Variants in CCDC141 observed in about 807,000 individuals in gnomAD.
CCDC141 encodes coiled-coil domain containing 141.
A neutral mutation model predicts 181.0 loss-of-function variants in CCDC141; 168 were observed. The observed-to-expected ratio is 0.93, with a 90% CI of 0.82 to 1.05. The LOEUF is 1.05. Ranked by LOEUF, CCDC141 falls within the 50% of genes least tolerant of loss-of-function variation. CCDC141 has a pLI of 0.00. For synonymous variants in CCDC141, 666 were observed against 642.3 expected (o/e 1.04, Z -0.56); for missense variants, 1,902 against 1,788.5 (o/e 1.06, Z -1.14).
intron 2 of CCDC141, among the ~76,000 whole-genome samples, chr2:179,018,242 T>C (rs1373195911): frequency 6.6e-6 from 1 of 152,128 alleles, no homozygotes. Flanking sequence ...AATGGTCCCC[T>C]GAATAGCAAT....
At chr2:179,031,557 T>C (rs1029891877) in intron 2 of CCDC141, among the ~76,000 whole-genome samples, 3 of 152,014 alleles carry the variant, frequency 2.0e-5, no homozygotes, top group Non-Finnish European at 4.4e-5. Flanking sequence ...TTTTTCTAGT[T>C]CCTTAAGGGA....
intron 5 of CCDC141, among the ~76,000 whole-genome samples, chr2:178,945,709 C>T (rs1452242623): frequency 2.0e-5 from 3 of 152,162 alleles, no homozygotes; most frequent in Admixed American, 6.5e-5. Flanking sequence ...CTATGTCTTT[C>T]CCCAGCCTAG....
chr2:178,952,630 T>C (rs188346988), intron 5 of CCDC141, among the ~76,000 whole-genome samples: 220 of 152,362 alleles, frequency 1.4e-3, no homozygotes, highest in African/African-American at 5.1e-3. Context: ...CAAAATTACA[T>C]GCTCCTTCTA....
chr2:178,868,887 G>A (rs78927799), intron 15 of CCDC141, among the ~76,000 whole-genome samples: 3 of 152,098 alleles, frequency 2.0e-5, no homozygotes, highest in African/African-American at 7.2e-5. Context: ...CAGCCTGAGA[G>A]TCAAGGGTTG....
At chr2:178,863,423 G>GA (rs1388826154) in intron 17 of CCDC141, among the ~76,000 whole-genome samples, 1 of 152,062 alleles carries the variant, frequency 6.6e-6, no homozygotes, top group Non-Finnish European at 1.5e-5. Context: ...TGTTTATGCA[G>GA]AAAAAAATCA....
chr2:179,005,134 A>G (rs911428056), intron 2 of CCDC141, among the ~76,000 whole-genome samples: 1 of 152,212 alleles, frequency 6.6e-6, no homozygotes, highest in African/African-American at 2.4e-5. Context: ...GGAATGCTCT[A>G]TTCAAACCTA....
chr2:178,981,663 C>CAT (rs1178860259), intron 2 of CCDC141, among the ~76,000 whole-genome samples: 4 of 35,390 alleles, frequency 1.1e-4, no homozygotes, highest in African/African-American at 2.9e-4. Flanking sequence ...TATATACATA[C>CAT]ATATATACAT....
chr2:178,958,541 G>A (rs992006269), intron 5 of CCDC141, among the ~76,000 whole-genome samples: 7 of 152,160 alleles, frequency 4.6e-5, no homozygotes, highest in South Asian at 2.1e-4. Context: ...ATGAGACCCC[G>A]TAAGTTAGAG....
intron 22 of CCDC141, 28 bp downstream of exon 22, chr2:178,845,598 A>G (rs368143455): frequency 3.2e-6 from 4 of 1,250,472 alleles, no homozygotes; most frequent in South Asian, 2.4e-5. Flanking sequence ...AAAGTCCTCA[A>G]TAGCTGAGGT....
intron 8 of CCDC141, 109 bp downstream of exon 8, chr2:178,905,220 G>T: frequency 2.0e-6 from 2 of 1,001,572 alleles, no homozygotes; most frequent in Non-Finnish European, 2.9e-6. Flanking sequence ...ATATCATAAT[G>T]CAGCAAAACA....
At chr2:179,020,048 G>A (rs1304973267) in intron 2 of CCDC141, among the ~76,000 whole-genome samples, 1 of 152,050 alleles carries the variant, frequency 6.6e-6, no homozygotes, top group African/African-American at 2.4e-5. Context: ...GGACCACTAT[G>A]CCCAGCTGGA....
intron 2 of CCDC141, among the ~76,000 whole-genome samples, chr2:179,036,857 A>G (rs922324502): frequency 6.6e-6 from 1 of 152,214 alleles, no homozygotes; most frequent in Admixed American, 6.5e-5. Context: ...GAAGGTGCCA[A>G]TTGATCTCAC....
rs2154379211 is a variant in CCDC141, at chr2:178,963,730, A to C, written c.527-2247T>G. Among the ~76,000 whole-genome samples, 4 of 152,232 alleles carry C rather than the reference A, an allele frequency of 2.6e-5. No homozygotes were observed. In the Middle Eastern group the frequency reaches 0.01, roughly 388 times the overall value. Reference sequence around the variant, plus strand: ...ATTGTAAAAAGGCATTTTGAGATGAAAAGGAAATAATTTGAAGTAGTTTAT... The same window carrying C: ...ATTGTAAAAAGGCATTTTGAGATGACAAGGAAATAATTTGAAGTAGTTTAT... On this transcript the variant is annotated intron_variant, in intron 4 of 23. Coordinates refer to ENST00000443758, the MANE Select transcript of CCDC141 (RefSeq NM_173648.4).
At chr2:178,888,486 A>T (rs1195866853) in intron 9 of CCDC141, 41 bp downstream of exon 9, 2 of 1,536,680 alleles carry the variant, frequency 1.3e-6, no homozygotes, top group Non-Finnish European at 1.8e-6. Flanking sequence ...ATCATCTATT[A>T]TCACCAACTT....
the CCDC141 span, among the ~76,000 whole-genome samples, chr2:178,823,113 A>G: frequency 1.3e-5 from 2 of 152,152 alleles, no homozygotes; most frequent in East Asian, 3.8e-4. Flanking sequence ...AAAACAAACC[A>G]CTACTCTGCA....
rs138343997 is a variant in CCDC141 at position 178,999,353 on chromosome 2, C to T, written c.226-20678G>A. ...TCCTACATATCATTTGAACCCTTTC[C>T]TTTCTCTATTTCCATCCCCATACCT... On this transcript the variant is annotated intron_variant, in intron 2 of 23. Coordinates refer to ENST00000443758, the MANE Select transcript of CCDC141 (RefSeq NM_173648.4). 3.6e-3 allele frequency among the ~76,000 whole-genome samples: 542 copies of T among 152,186 alleles called. 6 individuals carry two copies. Among genetic ancestry groups the T allele is most frequent in the African/African-American group, 0.012 (509 of 41,522 alleles).
Position 178,837,398 on chromosome 2 carries a change from T to A in CCDC141, c.3821A>T (p.Asp1274Val). 1 of 1,614,066 alleles carries A rather than the reference T, an allele frequency of 6.2e-7. No individual in the cohort carries two copies. Among genetic ancestry groups the A allele is most frequent in the Non-Finnish European group, 8.5e-7 (1 of 1,179,986 alleles). Residue 1274 changes from aspartate to valine, a missense_variant, in exon 23 of 24, where the codon GAT becomes GTT. Asp to Val is a radical substitution (Grantham distance 152, BLOSUM62 -3). Transcript: ENST00000443758. ...SVLPPPVAFA[D>V]ACNDKRETFS... Reference sequence around the variant, plus strand: ...TGTTTCTCTCTTATCATTGCATGCATCCGCAAAGGCAACAGGTGGTGGAAG... The same window carrying A: ...TGTTTCTCTCTTATCATTGCATGCAACCGCAAAGGCAACAGGTGGTGGAAG...
chr2:178,986,862 G>C (rs1395237032), intron 2 of CCDC141, among the ~76,000 whole-genome samples: 1 of 151,376 alleles, frequency 6.6e-6, no homozygotes, highest in Admixed American at 6.6e-5. Flanking sequence ...TGGGTAGGAA[G>C]AATCAATATC....
At chr2:178,841,667 G>A (rs1038028567) in intron 22 of CCDC141, among the ~76,000 whole-genome samples, 2 of 152,076 alleles carry the variant, frequency 1.3e-5, no homozygotes, top group African/African-American at 4.8e-5. Flanking sequence ...TTTTTGAGAT[G>A]GAGTTTCACT....
Sources: allele counts gnomAD v4.1 joint callset (sites outside exome capture counted in the v4.1 genomes callset), GRCh38; gene constraint gnomAD v4.1.1; transcripts MANE v1.5; gene names NCBI Gene and HGNC (gene_info 2026-07-23, HGNC 2026-07-21).